ZC3H3: variants seen among roughly 807,000 people sequenced by gnomAD.
ZC3H3 encodes zinc finger CCCH-type containing 3, also known as zinc finger CCCH domain-containing protein 3.
In ZC3H3, 36 loss-of-function variants were observed where a neutral mutation model predicts 77.3. The observed-to-expected ratio is 0.47, with a 90% confidence interval of 0.36 to 0.61. The LOEUF is 0.61. Ranked by LOEUF, ZC3H3 falls within the 20% of genes least tolerant of loss-of-function variation. The pLI is 0.00. For missense variants in ZC3H3, 1,331 were observed against 1,312.2 expected, an observed-to-expected ratio of 1.01 and a Z score of -0.22; for synonymous variants, 626 against 555.2, an observed-to-expected ratio of 1.13 and a Z score of -1.79.
intron 5 of ZC3H3, among the ~76,000 whole-genome samples, chr8:143,474,811 T>C (rs1290013536): frequency 6.6e-6 from 1 of 152,230 alleles, no homozygotes; most frequent in Non-Finnish European, 1.5e-5. Flanking sequence ...ATCCAAAGCA[T>C]TTCCTTCTCC....
intron 4 of ZC3H3, among the ~76,000 whole-genome samples, chr8:143,505,756 C>G (rs1056784944): frequency 4.6e-5 from 7 of 152,216 alleles, no homozygotes; most frequent in African/African-American, 1.7e-4. Flanking sequence ...GACACTGAGG[C>G]CTGGAGCCCA....
At chr8:143,444,833 C>G (rs1819828036) in intron 9 of ZC3H3, among the ~76,000 whole-genome samples, 1 of 151,946 alleles carries the variant, frequency 6.6e-6, no homozygotes, top group Non-Finnish European at 1.5e-5. Context: ...CTATCCAAGG[C>G]AGGAAGACAA....
intron 4 of ZC3H3, among the ~76,000 whole-genome samples, chr8:143,483,532 C>T (rs1053845969): frequency 3.3e-5 from 5 of 152,092 alleles, no homozygotes; most frequent in Admixed American, 1.3e-4. Flanking sequence ...CAAGCTGGGC[C>T]GGCAGGGAGG....
intron 4 of ZC3H3, among the ~76,000 whole-genome samples, chr8:143,496,314 T>C (rs1359637947): frequency 2.0e-5 from 3 of 152,164 alleles, no homozygotes; most frequent in South Asian, 4.1e-4. Context: ...TTCTTGGCCA[T>C]GGAGGGCCGA....
At chr8:143,525,542 G>A (rs541586078) in intron 3 of ZC3H3, among the ~76,000 whole-genome samples, 47 of 152,182 alleles carry the variant, frequency 3.1e-4, no homozygotes, top group Admixed American at 2.0e-3. Context: ...AGAGAGGAGC[G>A]TCCCTGGGGC....
chr8:143,474,176 G>C (rs1820659011), intron 5 of ZC3H3, among the ~76,000 whole-genome samples: 2 of 152,154 alleles, frequency 1.3e-5, no homozygotes, highest in Admixed American at 1.3e-4. Flanking sequence ...CAAGGTACGG[G>C]TGGGGAAGCG....
rs1027481308 is a variant in ZC3H3, at chr8:143,494,027, A to C, written c.1715+13719T>G. 6.6e-6 allele frequency among the ~76,000 whole-genome samples: 1 copy of C among 152,196 alleles called. No homozygotes were observed. Among genetic ancestry groups the C allele is most frequent in the Non-Finnish European group, 1.5e-5 (1 of 68,028 alleles). ...GAGCCGTAACCGCCTGTTCCCATAA[A>C]ATAAAACTCTAAAAAACCTGCCGGA... On this transcript the variant is annotated intron_variant, in intron 4 of 11. Transcript: ENST00000262577. The surrounding 1 kb of genome is among the most constrained non-coding windows in gnomAD (Gnocchi z 5.3).
rs755636360 is a variant in ZC3H3 at position 143,437,785 on chromosome 8, C to A, written c.*271G>T. The A allele has an allele frequency of 1.7e-5, 9 of 516,746 alleles. No individual in the cohort carries two copies. The highest frequency in any genetic ancestry group is 9.6e-5 in the Admixed American group (3 of 31,382). 32.0% of individuals were successfully genotyped at this position (516,746 alleles called of 1,614,324 possible). On this transcript the variant is annotated 3_prime_UTR_variant, in exon 12 of 12. Transcript: ENST00000262577. ...GCTGCAGGGCCACTGTTGCCAATGGCAGTCGGGGACAGGCCTGGAGGCCAG... is the reference window on the plus strand; with the variant it reads ...GCTGCAGGGCCACTGTTGCCAATGGAAGTCGGGGACAGGCCTGGAGGCCAG...
rs201127467 is a variant in ZC3H3 at position 143,536,414 on chromosome 8, G to A, written c.1404C>T (p.Ala468=). 727 of 1,552,500 alleles carry A rather than the reference G, an allele frequency of 4.7e-4. 12 individuals are homozygous for A. In the East Asian group the frequency reaches 0.017, roughly 36 times the overall value. ...GGAGGCTGAGGTGGCTCTTGGCGGTGGCGGCAGGTGAGGTGCCGCTTTTCT... is the reference window on the plus strand; with the variant it reads ...GGAGGCTGAGGTGGCTCTTGGCGGTAGCGGCAGGTGAGGTGCCGCTTTTCT... ...GDKKSGTSPA[A]TAKSHLSLRR... Residue 468 remains alanine, a synonymous_variant, in exon 3 of 12, where the codon GCC becomes GCT. Transcript: ENST00000262577.
intron 4 of ZC3H3, among the ~76,000 whole-genome samples, chr8:143,490,403 C>T (rs1164870966): frequency 6.6e-6 from 1 of 152,220 alleles, no homozygotes; most frequent in Non-Finnish European, 1.5e-5. Flanking sequence ...AGGCACTGTC[C>T]ACATGCCAAC....
chr8:143,492,613 C>T (rs1234453411), intron 4 of ZC3H3, among the ~76,000 whole-genome samples: 1 of 151,916 alleles, frequency 6.6e-6, no homozygotes, highest in Non-Finnish European at 1.5e-5. Context: ...TCACCTCGCA[C>T]CCACACCTGC....
At position 143,447,947 on chromosome 8, in the gene ZC3H3, G is replaced by A. The variant is rs554894059; in HGVS notation, c.2308-6827C>T. Among the ~76,000 whole-genome samples the A allele has an allele frequency of 7.9e-5, 12 of 152,254 alleles. No individual in the cohort carries two copies. In the South Asian group the frequency reaches 2.5e-3, roughly 32 times the overall value. On this transcript the variant is annotated intron_variant, in intron 9 of 11. Coordinates refer to ENST00000262577, the MANE Select transcript of ZC3H3 (RefSeq NM_015117.3). ...AGTTCGAGACCAGTCTGGACAACATGGGGAAACCCTGTCTCTACTAAAAAT... is the reference window on the plus strand; with the variant it reads ...AGTTCGAGACCAGTCTGGACAACATAGGGAAACCCTGTCTCTACTAAAAAT...
At chr8:143,517,824 C>A (rs949004793) in intron 3 of ZC3H3, among the ~76,000 whole-genome samples, 1 of 152,178 alleles carries the variant, frequency 6.6e-6, no homozygotes, top group Non-Finnish European at 1.5e-5. Flanking sequence ...TGAGCTCCCT[C>A]CCCGAATCTC....
At chr8:143,463,804 T>C (rs936091881) in intron 9 of ZC3H3, among the ~76,000 whole-genome samples, 1 of 152,158 alleles carries the variant, frequency 6.6e-6, no homozygotes, top group South Asian at 2.1e-4. Context: ...CAGTCTGAAG[T>C]CATCCCCGTC....
intron 4 of ZC3H3, among the ~76,000 whole-genome samples, chr8:143,477,626 C>A (rs999158615): frequency 6.6e-6 from 1 of 152,232 alleles, no homozygotes; most frequent in Admixed American, 6.5e-5. Context: ...CCTGCACCAG[C>A]CTCTCAGTTG....
chr8:143,448,000 T>G (rs1365776262), intron 9 of ZC3H3, among the ~76,000 whole-genome samples: 4 of 152,140 alleles, frequency 2.6e-5, no homozygotes, highest in Non-Finnish European at 4.4e-5. Flanking sequence ...TGGTGGTGCA[T>G]GCCTGTAATC....
chr8:143,520,772 G>A (rs1401563723), intron 3 of ZC3H3, among the ~76,000 whole-genome samples: 1 of 152,184 alleles, frequency 6.6e-6, no homozygotes, highest in Admixed American at 6.5e-5. Flanking sequence ...GAATCTCACA[G>A]TGTCCTTCTG....
In ZC3H3 at chr8:143,462,211, G is replaced by C. The variant is rs907674114; in HGVS notation, c.2307+3506C>G. The stretch of plus-strand genomic sequence containing the variant: ...TCGCCACGACCCTCTGAGATAGGCA[G>C]TGCCGTTATCCCGACTGTATATAAA... On this transcript the variant is annotated intron_variant, in intron 9 of 11. Transcript: ENST00000262577. The surrounding 1 kb of genome is among the most constrained non-coding windows in gnomAD (Gnocchi z 4.7). Among the ~76,000 whole-genome samples, 1 of 152,154 alleles carries C rather than the reference G, an allele frequency of 6.6e-6. No individual in the cohort carries two copies. The highest frequency in any genetic ancestry group is 2.4e-5 in the African/African-American group (1 of 41,442).
chr8:143,533,974 C>A lies in ZC3H3; in HGVS notation c.1561+2283G>T, dbSNP rs868348498. Among the ~76,000 whole-genome samples the A allele has an allele frequency of 6.6e-6, 1 of 152,026 alleles. No individual in the cohort carries two copies. The highest frequency in any genetic ancestry group is 2.4e-5 in the African/African-American group (1 of 41,442). ...TACAGGCATGAGCCACCACGCCCAGCCTCACGTTGGTCTTTAACTATGAGT... is the reference window on the plus strand; with the variant it reads ...TACAGGCATGAGCCACCACGCCCAGACTCACGTTGGTCTTTAACTATGAGT... On this transcript the variant is annotated intron_variant, in intron 3 of 11. Coordinates refer to ENST00000262577, the MANE Select transcript of ZC3H3 (RefSeq NM_015117.3). The surrounding 1 kb of genome is among the most constrained non-coding windows in gnomAD (Gnocchi z 4.0).
Sources: allele counts gnomAD v4.1 joint callset (sites outside exome capture counted in the v4.1 genomes callset), GRCh38; gene constraint gnomAD v4.1.1; non-coding constraint Gnocchi (gnomAD v3.1); transcripts MANE v1.5; gene names NCBI Gene and HGNC (gene_info 2026-07-23, HGNC 2026-07-21).